Variants in KIAA1671 observed in about 807,000 individuals in gnomAD.
The protein encoded by KIAA1671 is uncharacterized protein KIAA1671.
Under a neutral mutation model 131.2 loss-of-function variants are expected in KIAA1671, and 52 were observed. The ratio of observed to expected loss-of-function variants is 0.40; its 90% CI spans 0.32 to 0.50. KIAA1671 has a LOEUF of 0.50. Among genes scored for constraint, KIAA1671 ranks in the 20% least tolerant of loss-of-function variants. The pLI, the probability that KIAA1671 is intolerant of heterozygous loss-of-function variation, is 0.73. For synonymous variants in KIAA1671, 1,003 were observed against 961.6 expected (o/e 1.04, Z -0.80); for missense variants, 2,360 against 2,364.2 (o/e 1.00, Z 0.04).
intron 6 of KIAA1671, among the ~76,000 whole-genome samples, chr22:25,132,246 C>T (rs577048959): frequency 1.1e-4 from 17 of 152,212 alleles, no homozygotes; most frequent in Non-Finnish European, 1.6e-4. Context: ...TGTTAGAGAA[C>T]GGAGGTTCTC....
chr22:24,981,062 CTG>C (rs35906863), intron 1 of KIAA1671, among the ~76,000 whole-genome samples: 20,724 of 148,654 alleles, frequency 0.14, 1,802 homozygotes, highest in East Asian at 0.44. Context: ...TTGTTATTTT[CTG>C]TGTGTGTGTG....
chr22:25,033,671 C>T lies in KIAA1671; in HGVS notation c.1629+975C>T, dbSNP rs925749855. Among the ~76,000 whole-genome samples, 12 of 149,126 alleles carry T rather than the reference C, an allele frequency of 8.0e-5. No homozygotes were observed. The East Asian group carries it at 1.2e-3, about 15-fold the overall frequency. ...TCGGCTCGCTGCAAGCTCCGCCTCCCGGGTTCAAGCAATTCTCCTGCCTCA... is the reference window on the plus strand; with the variant it reads ...TCGGCTCGCTGCAAGCTCCGCCTCCTGGGTTCAAGCAATTCTCCTGCCTCA... On this transcript the variant is annotated intron_variant, in intron 4 of 12. Transcript: ENST00000358431.
At chr22:25,093,676 C>T (rs1930132532) in intron 6 of KIAA1671, among the ~76,000 whole-genome samples, 2 of 139,768 alleles carry the variant, frequency 1.4e-5, no homozygotes, top group South Asian at 4.6e-4. Context: ...ATCTTCCCTG[C>T]CCCCCGACAC....
intron 6 of KIAA1671, among the ~76,000 whole-genome samples, chr22:25,118,963 G>A (rs1180909524): frequency 1.3e-5 from 2 of 152,118 alleles, no homozygotes; most frequent in African/African-American, 4.8e-5. Flanking sequence ...TGAACTCCCT[G>A]CGTTTCCCTG....
intron 6 of KIAA1671, among the ~76,000 whole-genome samples, chr22:25,149,814 C>T (rs1426850131): frequency 6.6e-6 from 1 of 151,800 alleles, no homozygotes; most frequent in Non-Finnish European, 1.5e-5. Flanking sequence ...ATAAGTCGCA[C>T]ATGGTCCCTG....
intron 5 of KIAA1671, among the ~76,000 whole-genome samples, chr22:25,044,459 G>T (rs1362642085): frequency 6.6e-6 from 1 of 152,076 alleles, no homozygotes; most frequent in Non-Finnish European, 1.5e-5. Flanking sequence ...GTGGAGGGGG[G>T]ATCCTGGGCT....
At chr22:25,093,019 G>T (rs1239258567) in intron 6 of KIAA1671, among the ~76,000 whole-genome samples, 7 of 152,188 alleles carry the variant, frequency 4.6e-5, no homozygotes, top group Non-Finnish European at 7.3e-5. Flanking sequence ...AGTGGAAAGA[G>T]AATTTACTGA....
chr22:25,032,554 C>A, intron 3 of KIAA1671, 55 bp from the exon 4 acceptor site: 1 of 1,152,222 alleles, frequency 8.7e-7, no homozygotes, highest in Non-Finnish European at 1.3e-6. Flanking sequence ...GGTGTGTGGG[C>A]TGGGGGGAAT....
intron 1 of KIAA1671, among the ~76,000 whole-genome samples, chr22:24,973,389 GTTTTTTTTT>G (rs57519039): frequency 6.8e-4 from 49 of 71,678 alleles, no homozygotes; most frequent in African/African-American, 9.4e-4. Flanking sequence ...GCATATGATG[GTTTTTTTTT>G]TTTTTTTTTT....
At chr22:25,017,542 G>A (rs1925395167) in intron 1 of KIAA1671, among the ~76,000 whole-genome samples, 1 of 152,186 alleles carries the variant, frequency 6.6e-6, no homozygotes, top group Admixed American at 6.5e-5. Context: ...TGCTTCCAGA[G>A]TTTAATCCCA....
chr22:25,107,277 C>T (rs537006089), intron 6 of KIAA1671, among the ~76,000 whole-genome samples: 5 of 151,838 alleles, frequency 3.3e-5, no homozygotes, highest in Admixed American at 1.3e-4. Flanking sequence ...ATTAGCCGGG[C>T]GTGGTGGCAG....
At chr22:25,160,462 G>A (rs186037370) in intron 6 of KIAA1671, among the ~76,000 whole-genome samples, 72 of 152,206 alleles carry the variant, frequency 4.7e-4, no homozygotes, top group Admixed American at 4.0e-3. Flanking sequence ...CTTTCGGTTC[G>A]GTCTTGCTCC....
At chr22:25,104,986 A>G (rs1045266206) in intron 6 of KIAA1671, among the ~76,000 whole-genome samples, 2 of 152,030 alleles carry the variant, frequency 1.3e-5, no homozygotes, top group Non-Finnish European at 1.5e-5. Flanking sequence ...TGAATGACCG[A>G]CATATTCTGA....
chr22:25,005,923 C>T (rs1325770729), intron 1 of KIAA1671, among the ~76,000 whole-genome samples: 1 of 152,160 alleles, frequency 6.6e-6, no homozygotes, highest in Non-Finnish European at 1.5e-5. Flanking sequence ...CAGTGCTGTC[C>T]AGGAGAACTT....
chr22:25,048,946 G>C, intron 5 of KIAA1671: 1 of 378,526 alleles, frequency 2.6e-6, no homozygotes, highest in South Asian at 3.5e-5. Context: ...GCGCCTAGAA[G>C]CTGGGTGCTG....
rs1931128269 is a variant in KIAA1671 at position 25,108,206 on chromosome 22, C to A, written c.4530+58842C>A. Among the ~76,000 whole-genome samples, 4 of 152,158 alleles carry A rather than the reference C, an allele frequency of 2.6e-5. No homozygotes were observed. In the South Asian group the frequency reaches 8.3e-4, roughly 31 times the overall value. On this transcript the variant is annotated intron_variant, in intron 6 of 12. Transcript: ENST00000358431. ...CAACCTTGACAACACTGGGTATGATCATTTTAAAGGTGTTTTACTTTCTAT... is the reference window on the plus strand; with the variant it reads ...CAACCTTGACAACACTGGGTATGATAATTTTAAAGGTGTTTTACTTTCTAT...
chr22:25,095,326 A>C (rs1013928536), intron 6 of KIAA1671, among the ~76,000 whole-genome samples: 1 of 152,226 alleles, frequency 6.6e-6, no homozygotes, highest in Non-Finnish European at 1.5e-5. Flanking sequence ...AGCAAAAAAC[A>C]ATAAAAATTA....
chr22:25,042,845 G>A (rs1927023688), intron 5 of KIAA1671, among the ~76,000 whole-genome samples: 1 of 152,154 alleles, frequency 6.6e-6, no homozygotes, highest in Non-Finnish European at 1.5e-5. Context: ...AGGTGCTACA[G>A]GGGCCATGGT....
chr22:24,988,122 A>T (rs1410453737), intron 1 of KIAA1671, among the ~76,000 whole-genome samples: 1 of 152,070 alleles, frequency 6.6e-6, no homozygotes, highest in Non-Finnish European at 1.5e-5. Context: ...CTAAAAATAT[A>T]TTTTAAAAAT....
Sources: allele counts gnomAD v4.1 joint callset (sites outside exome capture counted in the v4.1 genomes callset), GRCh38; gene constraint gnomAD v4.1.1; transcripts MANE v1.5; gene names NCBI Gene and HGNC (gene_info 2026-07-23, HGNC 2026-07-21).